ACLY: variants seen among roughly 807,000 people sequenced by gnomAD.
The protein encoded by ACLY is ATP citrate lyase, also known as ATP-citrate synthase.
ACLY carries 41 observed loss-of-function variants against 133.0 expected under a neutral mutation model. The ratio of observed to expected loss-of-function variants is 0.31; its 90% CI spans 0.24 to 0.40. The LOEUF (loss-of-function observed/expected upper bound fraction) is 0.40, where lower values mean the gene tolerates loss of function less well. Ranked by LOEUF, ACLY falls within the 10% of genes least tolerant of loss-of-function variation. The pLI, the probability that ACLY is intolerant of heterozygous loss-of-function variation, is 1.00. For synonymous variants in ACLY, 495 were observed against 549.3 expected, an observed-to-expected ratio of 0.90 and a Z score of 1.38; for missense variants, 1,046 against 1,453.8, an observed-to-expected ratio of 0.72 and a Z score of 4.56.
intron 17 of ACLY, among the ~76,000 whole-genome samples, chr17:41,887,195 T>G (rs1453001757): frequency 6.7e-6 from 1 of 148,908 alleles, no homozygotes; most frequent in Non-Finnish European, 1.5e-5. Flanking sequence ...CTCCAGCACT[T>G]TGGGAGGCCG....
chr17:41,906,927 T>C (rs1206683758), intron 7 of ACLY, among the ~76,000 whole-genome samples: 2 of 152,138 alleles, frequency 1.3e-5, no homozygotes, highest in Non-Finnish European at 2.9e-5. Flanking sequence ...AGCCTAACCA[T>C]GTCCCTCTGC....
Position 41,873,890 on chromosome 17 carries a change from C to T in ACLY, c.2563G>A (p.Ala855Thr). 2 of 1,611,162 alleles carry T rather than the reference C, an allele frequency of 1.2e-6. No individual in the cohort carries two copies. Among genetic ancestry groups the T allele is most frequent in the East Asian group, 2.2e-5 (1 of 44,706 alleles). ...AAGACCTCAGTGATGGGCATGCCCG[C>T]GTAGATGAGCTCCTGTCCTCGCTCA... is the stretch of plus-strand genomic sequence containing the variant. ...CDERGQELIY[A>T]GMPITEVFKE... Residue 855 changes from alanine to threonine, a missense_variant, in exon 23 of 29, where the codon GCG becomes ACG. Coordinates refer to ENST00000352035, the MANE Select transcript of ACLY (RefSeq NM_001096.3).
intron 2 of ACLY, 23 bp downstream of exon 2, chr17:41,913,692 C>G (rs1267088490): frequency 6.2e-7 from 1 of 1,611,578 alleles, no homozygotes; most frequent in Non-Finnish European, 8.5e-7. Flanking sequence ...GGAAGAAAGG[C>G]CCAAAGTGGA....
At chr17:41,918,962 T>C (rs1175737665), upstream of ACLY, 1 of 1,288,900 alleles carries the variant, frequency 7.8e-7, no homozygotes. Flanking sequence ...AGCCGGTAGC[T>C]TCCCGGGATC....
chr17:41,922,877 T>G (rs1248248999), upstream of ACLY, among the ~76,000 whole-genome samples: 2 of 152,208 alleles, frequency 1.3e-5, no homozygotes, highest in Admixed American at 6.5e-5. Context: ...ACTGAGGTTT[T>G]CCAGTTCACT....
At chr17:41,930,466 G>C in exon 1 of ACLY, 1 of 422,404 alleles carries the variant, frequency 2.4e-6, no homozygotes, top group Admixed American at 3.9e-5. Flanking sequence ...AGAACCGCCA[G>C]AGCGTGCAAC....
At chr17:41,924,908 G>C (rs564302129) in intron 1 of ACLY, among the ~76,000 whole-genome samples, 8 of 152,124 alleles carry the variant, frequency 5.3e-5, no homozygotes, top group African/African-American at 9.6e-5. Context: ...CTCCCCACCA[G>C]GTATGTTCCT....
At chr17:41,885,950 C>T (rs571963329) in intron 18 of ACLY, among the ~76,000 whole-genome samples, 162 bp downstream of exon 18, 1 of 152,336 alleles carries the variant, frequency 6.6e-6, no homozygotes, top group East Asian at 1.9e-4. Flanking sequence ...CATGCTCTGT[C>T]AGTCCTGAGA....
rs200805953 is a variant in ACLY at position 41,904,762 on chromosome 17, G to A, written c.1032C>T (p.Ile344=). ...DGKILIIGGS[I]ANFTNVAATF... ...TGGCAGCCACGTTGGTGAAGTTTGC[G>A]ATGCTGCCTCCAATGATGAGGATCT... Residue 344 remains isoleucine (I), a synonymous_variant, in exon 10 of 29, where the codon ATC becomes ATT. Transcript: ENST00000352035. The A allele has an allele frequency of 3.6e-5, 58 of 1,614,078 alleles. No homozygotes were observed. In the South Asian group the frequency reaches 3.6e-4, roughly 10 times the overall value.
intron 1 of ACLY, among the ~76,000 whole-genome samples, chr17:41,915,063 C>T (rs1213337417): frequency 6.6e-6 from 1 of 152,128 alleles, no homozygotes; most frequent in Non-Finnish European, 1.5e-5. Flanking sequence ...ACACCTAGGT[C>T]CCCAGAAAAA....
At chr17:41,919,424 T>G (rs1033179215), upstream of ACLY, among the ~76,000 whole-genome samples, 2 of 152,260 alleles carry the variant, frequency 1.3e-5, no homozygotes, top group Admixed American at 1.3e-4. Context: ...CGAATCCGAT[T>G]GCTTAGACAG....
chr17:41,897,510 T>C (rs2049403693), intron 13 of ACLY, among the ~76,000 whole-genome samples: 1 of 151,640 alleles, frequency 6.6e-6, no homozygotes, highest in Non-Finnish European at 1.5e-5. Flanking sequence ...GAACCAGGGG[T>C]AGAAGAGAAT....
chr17:41,923,804 TTTTG>T (rs1349269180), upstream of ACLY, among the ~76,000 whole-genome samples: 10 of 152,158 alleles, frequency 6.6e-5, no homozygotes, highest in African/African-American at 1.4e-4. Context: ...TCTACTATTT[TTTTG>T]TTTGTTTGTT....
upstream of ACLY, among the ~76,000 whole-genome samples, chr17:41,919,758 G>T (rs1328829436): frequency 1.3e-5 from 2 of 152,260 alleles, no homozygotes; most frequent in Non-Finnish European, 2.9e-5. Context: ...ACACTGGAAT[G>T]AATGAACTGC....
intron 11 of ACLY, among the ~76,000 whole-genome samples, chr17:41,899,350 T>C (rs1315064607): frequency 6.6e-6 from 1 of 152,020 alleles, no homozygotes; most frequent in African/African-American, 2.4e-5. Context: ...GAGCCCATAT[T>C]CCTCCTGTTC....
At chr17:41,889,109 ACT>A (rs1555628728) in intron 16 of ACLY, among the ~76,000 whole-genome samples, 1 of 152,050 alleles carries the variant, frequency 6.6e-6, no homozygotes, top group African/African-American at 2.4e-5. Flanking sequence ...TGAGAGCAAA[ACT>A]CTGTCTCAAA....
intron 10 of ACLY, among the ~76,000 whole-genome samples, chr17:41,902,754 G>T (rs1555631858): frequency 1.3e-5 from 2 of 152,216 alleles, no homozygotes; most frequent in Non-Finnish European, 2.9e-5. Context: ...AGGCTCCCCT[G>T]TCCCAGATTT....
chr17:41,907,279 C>T (rs554785863), intron 7 of ACLY, among the ~76,000 whole-genome samples, 163 bp downstream of exon 7: 1 of 151,780 alleles, frequency 6.6e-6, no homozygotes, highest in African/African-American at 2.4e-5. Flanking sequence ...TGGCTCACTC[C>T]CACCCCCACC....
intron 16 of ACLY, among the ~76,000 whole-genome samples, chr17:41,889,932 C>T (rs1567896648): frequency 6.6e-6 from 1 of 152,150 alleles, no homozygotes; most frequent in Non-Finnish European, 1.5e-5. Context: ...CTTGGCCTCC[C>T]AAAGTCCTGG....
Sources: gnomAD v4.1 joint callset for allele counts (sites outside exome capture counted in the v4.1 genomes callset) on GRCh38, gnomAD v4.1.1 for gene constraint, MANE v1.5 for transcripts, NCBI Gene and HGNC (gene_info 2026-07-23, HGNC 2026-07-21) for gene names.